ADGRL2: variants seen among roughly 807,000 people sequenced by gnomAD.
ADGRL2 encodes the protein calcium-independent alpha-latrotoxin receptor 2.
ADGRL2 carries 44 observed loss-of-function variants against 157.4 expected under a neutral mutation model. The ratio of observed to expected loss-of-function variants is 0.28; its 90% confidence interval spans 0.22 to 0.36. The LOEUF (loss-of-function observed/expected upper bound fraction) is 0.36, where lower values mean the gene tolerates loss of function less well. ADGRL2 is among the 10% of genes least tolerant of loss of function. ADGRL2 has a pLI of 1.00. For missense variants in ADGRL2, 1,510 were observed against 1,768.9 expected, an observed-to-expected ratio of 0.85 and a Z score of 2.63; for synonymous variants, 585 against 624.7, an observed-to-expected ratio of 0.94 and a Z score of 0.95.
chr1:81,390,811 A>C (rs1315342715), intron 1 of ADGRL2, among the ~76,000 whole-genome samples: 5 of 152,426 alleles, frequency 3.3e-5, no homozygotes, highest in Admixed American at 2.6e-4. Context: ...AAATTTATTT[A>C]ACCAATCCAC....
At chr1:81,824,703 C>T (rs2091296754) in intron 1 of ADGRL2, among the ~76,000 whole-genome samples, 2 of 152,072 alleles carry the variant, frequency 1.3e-5, no homozygotes, top group African/African-American at 4.8e-5. Context: ...GGTTATTTTT[C>T]AGTTTGAGGC....
intron 1 of ADGRL2, among the ~76,000 whole-genome samples, chr1:81,750,538 G>A (rs939552310): frequency 6.6e-6 from 1 of 152,114 alleles, no homozygotes; most frequent in Non-Finnish European, 1.5e-5. Flanking sequence ...CCAAGATGGT[G>A]AAACCCCATC....
intron 3 of ADGRL2, among the ~76,000 whole-genome samples, chr1:81,909,349 A>G (rs1169511700): frequency 1.3e-5 from 2 of 152,032 alleles, no homozygotes; most frequent in Non-Finnish European, 2.9e-5. Context: ...CATTCCTTCC[A>G]GTTAAGAGTT....
intron 1 of ADGRL2, among the ~76,000 whole-genome samples, chr1:81,385,985 A>G (rs997839098): frequency 6.6e-5 from 10 of 152,126 alleles, no homozygotes; most frequent in African/African-American, 2.4e-4. Flanking sequence ...ATAATTGTCT[A>G]ATGTCCTTTA....
intron 2 of ADGRL2, among the ~76,000 whole-genome samples, chr1:81,872,363 G>T (rs1335985918): frequency 6.6e-6 from 1 of 152,124 alleles, no homozygotes; most frequent in African/African-American, 2.4e-5. Context: ...GTCAGGTAGC[G>T]TGATGCCTCC....
intron 3 of ADGRL2, among the ~76,000 whole-genome samples, chr1:81,915,799 GACGTGA>G (rs1381329684): frequency 6.6e-6 from 1 of 152,124 alleles, no homozygotes; most frequent in Admixed American, 6.6e-5. Context: ...AAAATCAATA[GACGTGA>G]ACGTGAACAT....
At chr1:81,606,496 T>C (rs201123240) in intron 3 of ADGRL2, among the ~76,000 whole-genome samples, 1,845 of 63,390 alleles carry the variant, frequency 0.029, 53 homozygotes, top group African/African-American at 0.099. Flanking sequence ...TTCATGCACA[T>C]GCACACACAC....
chr1:81,958,988 G>C (rs562695362), intron 11 of ADGRL2, among the ~76,000 whole-genome samples: 4 of 152,034 alleles, frequency 2.6e-5, no homozygotes, highest in Non-Finnish European at 5.9e-5. Flanking sequence ...CCTTTTTATT[G>C]CTGAGTATTA....
At chr1:81,829,974 C>T (rs950798325) in intron 1 of ADGRL2, among the ~76,000 whole-genome samples, 1 of 152,142 alleles carries the variant, frequency 6.6e-6, no homozygotes, top group Non-Finnish European at 1.5e-5. Context: ...GATCTAGGTA[C>T]ACGTCTCAAG....
At chr1:81,539,349 A>G (rs1260788944) in intron 2 of ADGRL2, among the ~76,000 whole-genome samples, 2 of 152,192 alleles carry the variant, frequency 1.3e-5, no homozygotes, top group African/African-American at 4.8e-5. Context: ...CCAGGACTGT[A>G]AAACGCATAT....
At chr1:81,929,429 A>G (rs995377963) in intron 3 of ADGRL2, among the ~76,000 whole-genome samples, 11 of 152,148 alleles carry the variant, frequency 7.2e-5, no homozygotes, top group African/African-American at 2.4e-4. Context: ...AAGATTCCCA[A>G]TGGTTTTTGG....
intron 1 of ADGRL2, among the ~76,000 whole-genome samples, chr1:81,320,207 C>T (rs1660408701): frequency 6.6e-6 from 1 of 152,204 alleles, no homozygotes; most frequent in Non-Finnish European, 1.5e-5. Flanking sequence ...TGTAGCAATT[C>T]AGTGACATCT....
intron 1 of ADGRL2, among the ~76,000 whole-genome samples, chr1:81,353,441 G>A (rs1010305512): frequency 2.0e-5 from 3 of 152,104 alleles, no homozygotes; most frequent in Admixed American, 6.6e-5. Flanking sequence ...TGATGGCTGG[G>A]CCTCAGAGCA....
rs546775460 is a variant in ADGRL2 at position 81,367,705 on chromosome 1, A to G, written c.-302+61196A>G. ...GTAGCTGGGATTACAGGCATGTGCC[A>G]CCACACCCAGCTAATTTTGTATTTT... On this transcript the variant is annotated intron_variant, in intron 1 of 24. Transcript: ENST00000370721. Among the ~76,000 whole-genome samples the G allele has an allele frequency of 2.6e-5, 4 of 152,284 alleles. No homozygotes were observed. In the East Asian group the frequency reaches 7.8e-4, roughly 30 times the overall value.
intron 2 of ADGRL2, among the ~76,000 whole-genome samples, chr1:81,445,857 AC>A (rs2101705499): frequency 6.6e-6 from 1 of 152,346 alleles, no homozygotes; most frequent in Admixed American, 6.5e-5. Flanking sequence ...CATAGCATAA[AC>A]AAATTAGTAG....
At chr1:81,857,096 C>A (rs1168507789) in intron 2 of ADGRL2, among the ~76,000 whole-genome samples, 1 of 152,110 alleles carries the variant, frequency 6.6e-6, no homozygotes, top group Non-Finnish European at 1.5e-5. Flanking sequence ...ATGTTTCCAA[C>A]AGCTCTGTGA....
rs141607335 is a variant in ADGRL2, at chr1:81,859,274, C to T, written c.73+22217C>T. Among the ~76,000 whole-genome samples the T allele has an allele frequency of 2.3e-3, 343 of 152,122 alleles. 2 individuals are homozygous for T. Among genetic ancestry groups the T allele is most frequent in the African/African-American group, 8.1e-3 (336 of 41,514 alleles). ...TGAAAAGAAATAGTGTTGTTTAAAT[C>T]GTGTCAATTCAGTGCTATTTTCTCT... is the stretch of plus-strand genomic sequence containing the variant. On this transcript the variant is annotated intron_variant, in intron 2 of 23. Transcript: ENST00000686636.
chr1:81,852,447 A>G (rs562287472), intron 2 of ADGRL2, among the ~76,000 whole-genome samples: 2 of 152,262 alleles, frequency 1.3e-5, no homozygotes, highest in African/African-American at 4.8e-5. Flanking sequence ...AAAAATTTTT[A>G]AAAAGCTGTA....
In ADGRL2 at chr1:81,599,482, T is replaced by C. The variant is rs144214955; in HGVS notation, c.-143+18502T>C. Among the ~76,000 whole-genome samples, 90 of 152,186 alleles carry C rather than the reference T, an allele frequency of 5.9e-4. 1 individual carries two copies. Among genetic ancestry groups the C allele is most frequent in the Middle Eastern group, 3.4e-3 (1 of 292 alleles). ...CACCTTTACCCCACCTATTCAACAG[T>C]CTCCTCAAGCAAAAGGAGTGTGTAG... On this transcript the variant is annotated intron_variant, in intron 3 of 24. Coordinates refer to the ADGRL2 transcript ENST00000370721.
Sources: gnomAD v4.1 joint callset for allele counts (sites outside exome capture counted in the v4.1 genomes callset) on GRCh38, gnomAD v4.1.1 for gene constraint, MANE v1.5 for transcripts, NCBI Gene and HGNC (gene_info 2026-07-23, HGNC 2026-07-21) for gene names.